The following PCBP3 variants were observed in gnomAD, a reference collection of about 807,000 sequenced individuals.
PCBP3 encodes poly(rC) binding protein 3.
PCBP3 carries 25 observed loss-of-function variants against 52.7 expected under a neutral mutation model. The observed-to-expected ratio is 0.47, with a 90% CI of 0.35 to 0.66. PCBP3 has a LOEUF of 0.66. Ranked by LOEUF, PCBP3 falls within the 30% of genes least tolerant of loss-of-function variation. PCBP3 has a pLI of 0.01. For missense variants in PCBP3, 391 were observed against 490.3 expected (o/e 0.80, Z 1.91); for synonymous variants, 162 against 183.0 (o/e 0.89, Z 0.93).
intron 4 of PCBP3, among the ~76,000 whole-genome samples, chr21:45,832,216 A>G (rs1308297625): frequency 1.3e-5 from 2 of 152,226 alleles, no homozygotes; most frequent in Non-Finnish European, 2.9e-5. Flanking sequence ...TGATGTTGCC[A>G]TGGCATTTGT....
intron 5 of PCBP3, among the ~76,000 whole-genome samples, chr21:45,874,947 G>A (rs529595524): frequency 4.6e-5 from 7 of 152,324 alleles, no homozygotes; most frequent in South Asian, 2.1e-4. Context: ...GTCCCAAACC[G>A]AGAGTGGCTG....
intron 3 of PCBP3, among the ~76,000 whole-genome samples, chr21:45,739,760 C>T (rs2086278617): frequency 6.6e-6 from 1 of 152,068 alleles, no homozygotes; most frequent in Non-Finnish European, 1.5e-5. Flanking sequence ...TCTTCATCAG[C>T]CCACCCCTTC....
At chr21:45,894,147 G>C in intron 5 of PCBP3, 1 of 484,822 alleles carries the variant, frequency 2.1e-6, no homozygotes, top group Non-Finnish European at 2.7e-6. Context: ...CTGAGTCCCA[G>C]GTGACCCGCA....
intron 6 of PCBP3, among the ~76,000 whole-genome samples, chr21:45,897,800 G>A (rs1004004438): frequency 6.6e-6 from 1 of 152,146 alleles, no homozygotes; most frequent in Non-Finnish European, 1.5e-5. Flanking sequence ...GAGCTGCTGT[G>A]GGTCCTGGGC....
chr21:45,673,321 G>C (rs191252142), intron 2 of PCBP3, among the ~76,000 whole-genome samples: 19 of 152,314 alleles, frequency 1.2e-4, no homozygotes, highest in Admixed American at 1.2e-3. Flanking sequence ...CGTCACAAAG[G>C]TGTGGTATGG....
intron 4 of PCBP3, among the ~76,000 whole-genome samples, chr21:45,801,749 C>T (rs1259698412): frequency 6.6e-6 from 1 of 152,236 alleles, no homozygotes; most frequent in African/African-American, 2.4e-5. Context: ...ATGTGCTGTT[C>T]AGATCCTGTC....
At chr21:45,871,979 G>A (rs3788224) in intron 5 of PCBP3, 98,831 of 152,206 alleles carry the variant, frequency 0.65, 32,990 homozygotes, top group East Asian at 0.84. Context: ...GCTGGGCTCC[G>A]ATTTGGGGGC....
At chr21:45,900,540 C>G in intron 7 of PCBP3, 51 bp from the exon 8 acceptor site, 1 of 1,501,310 alleles carries the variant, frequency 6.7e-7, no homozygotes, top group Non-Finnish European at 9.3e-7. Context: ...GCCGCGCCGT[C>G]CTCAGAGCCA....
At chr21:45,663,886 C>T (rs2080588561) in intron 1 of PCBP3, among the ~76,000 whole-genome samples, 1 of 151,776 alleles carries the variant, frequency 6.6e-6, no homozygotes, top group Admixed American at 6.6e-5. Flanking sequence ...GATTGTTTTC[C>T]CTAACTCTAT....
chr21:45,850,831 C>T (rs568860723), intron 5 of PCBP3, among the ~76,000 whole-genome samples: 2 of 152,172 alleles, frequency 1.3e-5, no homozygotes, highest in South Asian at 4.1e-4. Context: ...TGAAATCTGT[C>T]TATAACACAG....
At chr21:45,793,728 C>T (rs113152373) in intron 4 of PCBP3, among the ~76,000 whole-genome samples, 1,732 of 152,274 alleles carry the variant, frequency 0.011, 50 homozygotes, top group African/African-American at 0.039. Context: ...TGATTGGCAT[C>T]AGACTTCTCA....
intron 5 of PCBP3, among the ~76,000 whole-genome samples, chr21:45,856,619 C>T (rs2094308018): frequency 1.3e-5 from 2 of 151,472 alleles, no homozygotes; most frequent in South Asian, 2.1e-4. Flanking sequence ...GCCCCGGTGA[C>T]GTGCCTGCTC....
chr21:45,896,094 C>A, intron 5 of PCBP3, 114 bp from the exon 6 acceptor site: 1 of 968,666 alleles, frequency 1.0e-6, no homozygotes, highest in Non-Finnish European at 1.6e-6. Flanking sequence ...GGTGGGTGGG[C>A]AACCCCATTC....
intron 13 of PCBP3, among the ~76,000 whole-genome samples, chr21:45,923,095 C>T (rs1460897458): frequency 6.6e-6 from 1 of 152,264 alleles, no homozygotes; most frequent in Non-Finnish European, 1.5e-5. Context: ...CCCCTGGACA[C>T]ATGAAGGGCA....
chr21:45,773,570 G>A (rs2090038144), intron 4 of PCBP3, among the ~76,000 whole-genome samples: 1 of 152,062 alleles, frequency 6.6e-6, no homozygotes, highest in Non-Finnish European at 1.5e-5. Flanking sequence ...TTATTTCTGG[G>A]TTCTCTATTC....
chr21:45,754,942 T>C (rs2087889173), intron 3 of PCBP3, among the ~76,000 whole-genome samples: 1 of 149,746 alleles, frequency 6.7e-6, no homozygotes, highest in Admixed American at 6.6e-5. Context: ...TTTATCTTGC[T>C]TGGGATTGTT....
At chr21:45,930,597 C>G (rs867383442) in intron 14 of PCBP3, among the ~76,000 whole-genome samples, 189 bp from the exon 15 acceptor site, 14 of 152,100 alleles carry the variant, frequency 9.2e-5, no homozygotes, top group Non-Finnish European at 8.8e-5. Context: ...CTGTGGACAA[C>G]CCCCCTCTCC....
At chr21:45,758,299 CATT>C (rs1470972630) in intron 4 of PCBP3, among the ~76,000 whole-genome samples, 1 of 151,714 alleles carries the variant, frequency 6.6e-6, no homozygotes, top group Non-Finnish European at 1.5e-5. Context: ...TTTTTTTTGT[CATT>C]GTTGCATTCC....
intron 1 of PCBP3, among the ~76,000 whole-genome samples, chr21:45,646,083 T>TCTCTTTC (rs1206207801): frequency 9.0e-5 from 9 of 99,618 alleles, no homozygotes; most frequent in African/African-American, 3.8e-4. Context: ...CTCTCTCTCT[T>TCTCTTTC]TCTCTCTCTC....
Sources: gnomAD v4.1 joint callset for allele counts (sites outside exome capture counted in the v4.1 genomes callset) on GRCh38, gnomAD v4.1.1 for gene constraint, MANE v1.5 for transcripts, NCBI Gene and HGNC (gene_info 2026-07-23, HGNC 2026-07-21) for gene names.